Variants in EYS observed in about 807,000 individuals in gnomAD.
EYS encodes the protein protein eyes shut homolog.
In EYS, 250 loss-of-function variants were observed where a neutral mutation model predicts 282.1. The ratio of observed to expected loss-of-function variants is 0.89; its 90% CI spans 0.80 to 0.98. EYS has a LOEUF of 0.98. Among genes scored for constraint, EYS ranks in the 50% least tolerant of loss-of-function variants. The pLI, the probability that EYS is intolerant of heterozygous loss-of-function variation, is 0.00. For synonymous variants in EYS, 1,355 were observed against 1,282.9 expected (o/e 1.06, Z -1.20); for missense variants, 4,016 against 3,709.0 (o/e 1.08, Z -2.15).
At chr6:65,444,446 T>C (rs908564559) in intron 5 of EYS, among the ~76,000 whole-genome samples, 1 of 152,012 alleles carries the variant, frequency 6.6e-6, no homozygotes, top group Non-Finnish European at 1.5e-5. Flanking sequence ...GTGCTTACTT[T>C]GCCACAAGGC....
Position 65,420,137 on chromosome 6 carries a change from C to G in EYS, c.863-14770G>C, listed in dbSNP as rs1001388198. Among the ~76,000 whole-genome samples, 6 of 151,914 alleles carry G rather than the reference C, an allele frequency of 3.9e-5. No individual in the cohort carries two copies. In the Admixed American group the frequency reaches 4.0e-4, roughly 10 times the overall value. On this transcript the variant is annotated intron_variant, in intron 5 of 42. Coordinates refer to ENST00000503581, the MANE Select transcript of EYS (RefSeq NM_001142800.2). Reference sequence around the variant, plus strand: ...TAATTTCTTAAAATAAGACAACAAGCTTTCATTTCATGAAATATTTCTCTG... The same window carrying G: ...TAATTTCTTAAAATAAGACAACAAGGTTTCATTTCATGAAATATTTCTCTG...
chr6:64,013,329 G>A lies in EYS; in HGVS notation c.6726-14146C>T, dbSNP rs550416587. On this transcript the variant is annotated intron_variant, in intron 33 of 42. Coordinates refer to ENST00000503581, the MANE Select transcript of EYS (RefSeq NM_001142800.2). ...CTAGATTTCATGGTCTCCTGGTAGC[G>A]CCTCTAAATGTGTAAATGCCCAGAA... is the stretch of plus-strand genomic sequence containing the variant. Among the ~76,000 whole-genome samples, 24 of 152,278 alleles carry A rather than the reference G, an allele frequency of 1.6e-4. No individual in the cohort carries two copies. The South Asian group carries it at 1.7e-3, about 11-fold the overall frequency.
chr6:64,275,158 C>T (rs1768067888), intron 30 of EYS, among the ~76,000 whole-genome samples: 2 of 152,182 alleles, frequency 1.3e-5, no homozygotes, highest in Non-Finnish European at 2.9e-5. Context: ...GCAGAAATAT[C>T]TGTAAACAGG....
intron 13 of EYS, among the ~76,000 whole-genome samples, chr6:65,030,572 C>A (rs1007222272): frequency 1.3e-5 from 2 of 152,326 alleles, no homozygotes; most frequent in South Asian, 4.1e-4. Context: ...AAGCTGAGAT[C>A]CCACTGCCAC....
rs961257879 is a variant in EYS at position 65,584,476 on chromosome 6, G to A, written c.-333+55302C>T. 2.6e-5 allele frequency among the ~76,000 whole-genome samples: 4 copies of A among 152,078 alleles called. No homozygotes were observed. In the South Asian group the frequency reaches 8.3e-4, roughly 32 times the overall value. On this transcript the variant is annotated intron_variant, in intron 2 of 42. Coordinates refer to ENST00000503581, the MANE Select transcript of EYS (RefSeq NM_001142800.2). ...GATGAGTTTTTTAGAGTTAATTGGGGAACATGAGGTAGAGTAAGGGGCTGA... is the reference window on the plus strand; with the variant it reads ...GATGAGTTTTTTAGAGTTAATTGGGAAACATGAGGTAGAGTAAGGGGCTGA...
chr6:64,821,861 A>T (rs926314385), intron 20 of EYS, 138 bp from the exon 21 acceptor site: 5 of 485,582 alleles, frequency 1.0e-5, no homozygotes, highest in South Asian at 4.4e-5. Context: ...AGCAGAGTTT[A>T]TTCCTGGGTT....
chr6:63,899,975 A>G (rs1302663631), intron 35 of EYS, among the ~76,000 whole-genome samples: 1 of 152,110 alleles, frequency 6.6e-6, no homozygotes, highest in Non-Finnish European at 1.5e-5. Context: ...TTGTAAGAAT[A>G]TTTTTCAGTG....
chr6:65,689,471 G>A lies in EYS; in HGVS notation c.-448+17664C>T, dbSNP rs184498898. 1.3e-3 allele frequency among the ~76,000 whole-genome samples: 196 copies of A among 149,248 alleles called. 9 individuals are homozygous for A. Among genetic ancestry groups the A allele is most frequent in the Non-Finnish European group, 1.9e-3 (126 of 67,400 alleles). ...GCACACCAACATGGCACATGTATACGTATGTAACTAACCTGCACGTTGTGC... is the reference window on the plus strand; with the variant it reads ...GCACACCAACATGGCACATGTATACATATGTAACTAACCTGCACGTTGTGC... On this transcript the variant is annotated intron_variant, in intron 1 of 42. Transcript: ENST00000503581.
intron 35 of EYS, among the ~76,000 whole-genome samples, chr6:63,933,329 CCT>C (rs1206243261): frequency 6.6e-6 from 1 of 152,164 alleles, no homozygotes; most frequent in Non-Finnish European, 1.5e-5. Flanking sequence ...ACCTCAGCCC[CCT>C]GAGTAGCTGG....
intron 41 of EYS, among the ~76,000 whole-genome samples, chr6:63,734,146 G>C (rs569338745): frequency 6.7e-4 from 102 of 152,240 alleles, no homozygotes; most frequent in South Asian, 1.9e-3. Context: ...ATGGGAGTAA[G>C]GGTTGAAAAA....
At chr6:65,318,114 A>G (rs1186954896) in intron 11 of EYS, among the ~76,000 whole-genome samples, 1 of 149,140 alleles carries the variant, frequency 6.7e-6, no homozygotes, top group Non-Finnish European at 1.5e-5. Flanking sequence ...TGATCCGCCC[A>G]CCTCGGCCTC....
chr6:63,870,322 T>G (rs1396389372), intron 35 of EYS, among the ~76,000 whole-genome samples: 1 of 152,216 alleles, frequency 6.6e-6, no homozygotes, highest in Non-Finnish European at 1.5e-5. Context: ...CCATGGTGAA[T>G]TCACCAGTTA....
intron 26 of EYS, among the ~76,000 whole-genome samples, chr6:64,484,072 T>C (rs1776513782): frequency 6.6e-6 from 1 of 151,650 alleles, no homozygotes; most frequent in Non-Finnish European, 1.5e-5. Context: ...ACTTTTTAAA[T>C]GTGTCTTTAG....
Position 64,527,445 on chromosome 6 carries a change from A to G in EYS, c.5644+62778T>C, listed in dbSNP as rs77096567. Among the ~76,000 whole-genome samples the G allele has an allele frequency of 4.6e-3, 702 of 151,948 alleles. 21 individuals are homozygous for G. The East Asian group carries it at 0.079, about 17-fold the overall frequency. On this transcript the variant is annotated intron_variant, in intron 26 of 42. Coordinates refer to ENST00000503581, the MANE Select transcript of EYS (RefSeq NM_001142800.2). ...AAATATATGGGTTTTTAGCAGTCCT[A>G]CCAGTAGGATTTCAGAGGCATTCTT...
intron 26 of EYS, among the ~76,000 whole-genome samples, chr6:64,449,546 C>T (rs1662174006): frequency 6.6e-6 from 1 of 152,064 alleles, no homozygotes; most frequent in Admixed American, 6.5e-5. Flanking sequence ...CTCCAAGACA[C>T]ATAATTGTCA....
At chr6:64,649,460 C>T (rs1768477893) in intron 22 of EYS, among the ~76,000 whole-genome samples, 1 of 152,054 alleles carries the variant, frequency 6.6e-6, no homozygotes, top group Admixed American at 6.5e-5. Flanking sequence ...GCCCCTCAGC[C>T]TCCTGAGTAG....
At chr6:65,198,499 G>C (rs1244421524) in intron 12 of EYS, among the ~76,000 whole-genome samples, 3 of 151,934 alleles carry the variant, frequency 2.0e-5, no homozygotes, top group Non-Finnish European at 4.4e-5. Flanking sequence ...GTGCAGCAGG[G>C]ATTTTTTTTT....
At chr6:65,398,001 T>C (rs1474207518) in intron 7 of EYS, among the ~76,000 whole-genome samples, 2 of 152,098 alleles carry the variant, frequency 1.3e-5, no homozygotes, top group South Asian at 2.1e-4. Flanking sequence ...ATTTATCTGA[T>C]GATTAAAGAT....
chr6:64,714,890 T>G (rs912134550), intron 22 of EYS, among the ~76,000 whole-genome samples: 1 of 152,126 alleles, frequency 6.6e-6, no homozygotes, highest in African/African-American at 2.4e-5. Context: ...TACCAGTTGC[T>G]AGGAGAACAA....
Sources: gnomAD v4.1 joint callset for allele counts (sites outside exome capture counted in the v4.1 genomes callset) on GRCh38, gnomAD v4.1.1 for gene constraint, MANE v1.5 for transcripts, NCBI Gene and HGNC (gene_info 2026-07-23, HGNC 2026-07-21) for gene names.